Variants in PLEKHD1 observed in about 807,000 individuals in gnomAD.
The protein encoded by PLEKHD1 is pleckstrin homology and coiled-coil domain containing D1.
Under a neutral mutation model 69.2 loss-of-function variants are expected in PLEKHD1, and 51 were observed. The observed-to-expected ratio is 0.74, with a 90% CI of 0.59 to 0.93. The LOEUF (loss-of-function observed/expected upper bound fraction) is 0.93. Among genes scored for constraint, PLEKHD1 ranks in the 40% least tolerant of loss-of-function variants. PLEKHD1 has a pLI of 0.00. For missense variants in PLEKHD1, 584 were observed against 641.0 expected (o/e 0.91, Z 0.96); for synonymous variants, 236 against 244.7 (o/e 0.96, Z 0.33).
rs540526291 is a variant in PLEKHD1, at chr14:69,520,190, A to G, written c.556-2093A>G. 5.1e-3 allele frequency among the ~76,000 whole-genome samples: 765 copies of G among 149,218 alleles called. 9 individuals carry two copies. Among genetic ancestry groups the G allele is most frequent in the Middle Eastern group, 0.017 (5 of 288 alleles). On this transcript the variant is annotated intron_variant, in intron 6 of 12. Coordinates refer to ENST00000322564, the MANE Select transcript of PLEKHD1 (RefSeq NM_001161498.2). ...TCAAAAAAAAAAAAAAAAAAAAAAA[A>G]AAAAAAGAGCTGGGCACCTTTGTTA...
chr14:69,524,656 C>T (rs1883600515), intron 8 of PLEKHD1, among the ~76,000 whole-genome samples: 2 of 152,192 alleles, frequency 1.3e-5, no homozygotes, highest in Non-Finnish European at 2.9e-5. Flanking sequence ...CTACCCACCG[C>T]TTCCTTCTTG....
chr14:69,520,017 A>G (rs1883475595), intron 6 of PLEKHD1, among the ~76,000 whole-genome samples: 2 of 152,072 alleles, frequency 1.3e-5, no homozygotes, highest in Admixed American at 1.3e-4. Flanking sequence ...AAATGCAAAA[A>G]TTAGCCAGGT....
chr14:69,498,588 T>TTCTCTTCTCTTCTCTTCTCTTCTCTTCTC (rs1882943270), intron 1 of PLEKHD1, among the ~76,000 whole-genome samples: 1 of 108,584 alleles, frequency 9.2e-6, no homozygotes, highest in South Asian at 3.3e-4. Context: ...TTCTTTTTGT[T>TTCTCTTCTCTTCTCTTCTCTTCTCTTCTC]TTCTCTTCTC....
chr14:69,471,791 G>A, the PLEKHD1 span, among the ~76,000 whole-genome samples: 626 of 152,200 alleles, frequency 4.1e-3, 6 homozygotes, highest in African/African-American at 0.014. Flanking sequence ...GTATTTGGCC[G>A]AGAGATGTCA....
chr14:69,469,648 C>G, the PLEKHD1 span, among the ~76,000 whole-genome samples: 1 of 152,064 alleles, frequency 6.6e-6, no homozygotes, highest in Non-Finnish European at 1.5e-5. Context: ...TGGCCTCAAG[C>G]AATTCTCCCG....
chr14:69,489,209 T>C (rs1183550590), intron 1 of PLEKHD1, among the ~76,000 whole-genome samples: 1 of 152,174 alleles, frequency 6.6e-6, no homozygotes, highest in Non-Finnish European at 1.5e-5. Flanking sequence ...TCAGCTTCCT[T>C]GTACCCAAGA....
In PLEKHD1 at chr14:69,492,936, A is replaced by AT. The variant is rs983240938; in HGVS notation, c.150-7173dup. ...AGGCACGAGCTACCATACCCAGCTAATTTTTTAATTTTCTGTTGAGACAGT... is the reference window on the plus strand; with the variant it reads ...AGGCACGAGCTACCATACCCAGCTAATTTTTTTAATTTTCTGTTGAGACAGT... On this transcript the variant is annotated intron_variant, in intron 1 of 12. Transcript: ENST00000322564. 2.6e-5 allele frequency among the ~76,000 whole-genome samples: 4 copies of AT among 151,982 alleles called. 1 individual carries two copies. Among genetic ancestry groups the AT allele is most frequent in the African/African-American group, 9.7e-5 (4 of 41,378 alleles).
At chr14:69,468,669 C>T in the PLEKHD1 span, among the ~76,000 whole-genome samples, 444 of 152,250 alleles carry the variant, frequency 2.9e-3, 3 homozygotes, top group African/African-American at 0.01. Context: ...CAGCCTCAAA[C>T]TCCTGAGCTC....
upstream of PLEKHD1, among the ~76,000 whole-genome samples, chr14:69,484,537 C>G (rs958854343): frequency 2.0e-5 from 3 of 152,122 alleles, no homozygotes; most frequent in Non-Finnish European, 4.4e-5. Context: ...CAGGGACCTT[C>G]TGGACGCACG....
At chr14:69,490,857 C>T (rs898170542) in intron 1 of PLEKHD1, among the ~76,000 whole-genome samples, 4 of 152,150 alleles carry the variant, frequency 2.6e-5, no homozygotes, top group African/African-American at 9.7e-5. Flanking sequence ...CCTACATAGC[C>T]ATTCTCAGTA....
intron 9 of PLEKHD1, 90 bp downstream of exon 9, chr14:69,526,212 T>A: frequency 1.5e-6 from 2 of 1,354,330 alleles, no homozygotes; most frequent in Non-Finnish European, 2.0e-6. Context: ...GGGTTCTACT[T>A]GGCACTGACC....
chr14:69,476,320 A>G, the PLEKHD1 span, among the ~76,000 whole-genome samples: 3 of 151,128 alleles, frequency 2.0e-5, no homozygotes, highest in Admixed American at 2.0e-4. Context: ...CTGTAATCCC[A>G]GCAACAGGAG....
chr14:69,526,026 A>C lies in PLEKHD1; in HGVS notation c.827A>C (p.Glu276Ala). Residue 276 changes from glutamate to alanine, a missense_variant, in exon 9 of 13, where the codon GAG (glutamate) becomes GCG (alanine). Physicochemically the swap from Glu to Ala is moderately radical, Grantham distance 107. Coordinates refer to ENST00000322564, the MANE Select transcript of PLEKHD1 (RefSeq NM_001161498.2). ...CTGCAGACACTGGCCAATCAGAGTG[A>C]GCAGCCCCCTCCCAGTGGGGGCCTC... ...NHLQTLANQS[E>A]QPPPSGGLHS... 6.4e-7 allele frequency: 1 copy of C among 1,551,706 alleles called. No homozygotes were observed. The highest frequency in any genetic ancestry group is 1.2e-5 in the South Asian group (1 of 84,062).
the PLEKHD1 span, among the ~76,000 whole-genome samples, chr14:69,475,826 AC>A: frequency 1.3e-5 from 2 of 152,006 alleles, no homozygotes; most frequent in Non-Finnish European, 2.9e-5. Context: ...CTTGTGCCCC[AC>A]CTCAACTCTC....
intron 6 of PLEKHD1, among the ~76,000 whole-genome samples, chr14:69,511,022 C>T (rs1332669280): frequency 6.6e-6 from 1 of 152,146 alleles, no homozygotes; most frequent in African/African-American, 2.4e-5. Context: ...TCTTCTTTAG[C>T]CTGTTGATGT....
intron 6 of PLEKHD1, among the ~76,000 whole-genome samples, chr14:69,515,122 C>T (rs751374906): frequency 3.3e-5 from 5 of 152,138 alleles, no homozygotes; most frequent in African/African-American, 9.7e-5. Flanking sequence ...CACTTGAACC[C>T]GGGAGGCAGA....
chr14:69,501,649 T>G, intron 4 of PLEKHD1, 85 bp from the exon 5 acceptor site: 1 of 1,065,934 alleles, frequency 9.4e-7, no homozygotes, highest in Non-Finnish European at 1.4e-6. Flanking sequence ...AACGTATGCC[T>G]TCTCTTTCCC....
At chr14:69,484,138 G>T (rs1882598518), upstream of PLEKHD1, among the ~76,000 whole-genome samples, 1 of 152,224 alleles carries the variant, frequency 6.6e-6, no homozygotes, top group Non-Finnish European at 1.5e-5. Context: ...GAGGGGGAAG[G>T]GTTGGGGGGA....
At chr14:69,513,249 A>AAAT (rs748939645) in intron 6 of PLEKHD1, among the ~76,000 whole-genome samples, 2 of 133,106 alleles carry the variant, frequency 1.5e-5, no homozygotes, top group African/African-American at 6.2e-5. Context: ...TAAAATAATA[A>AAAT]AATAAAATAA....
Sources: allele counts gnomAD v4.1 joint callset (sites outside exome capture counted in the v4.1 genomes callset), GRCh38; gene constraint gnomAD v4.1.1; transcripts MANE v1.5; gene names NCBI Gene and HGNC (gene_info 2026-07-23, HGNC 2026-07-21).